The following LPIN1 variants were observed in gnomAD, a reference collection of about 807,000 sequenced individuals.
LPIN1 encodes lipin 1.
LPIN1 carries 71 observed loss-of-function variants against 107.5 expected under a neutral mutation model. That is an observed-to-expected ratio of 0.66 (90% CI 0.55 to 0.80). The LOEUF (loss-of-function observed/expected upper bound fraction) is 0.80. LPIN1 is among the 30% of genes least tolerant of loss of function. The pLI is 0.00. For missense variants in LPIN1, 1,043 were observed against 1,160.6 expected (o/e 0.90, Z 1.47); for synonymous variants, 445 against 452.6 (o/e 0.98, Z 0.21).
At chr2:11,815,301 A>C in intron 18 of LPIN1, 61 bp downstream of exon 18, 1 of 1,596,352 alleles carries the variant, frequency 6.3e-7, no homozygotes, top group Non-Finnish European at 8.6e-7. Flanking sequence ...TCTCTTCCTA[A>C]CTGCAAGTTT....
chr2:11,771,400 C>G lies in LPIN1; in HGVS notation c.317C>G (p.Ser106Cys). The change falls in exon 4 of 21, where the codon TCC becomes TGC. Residue 106 changes from serine to cysteine, a missense_variant. Transcript: ENST00000674199. This position sits in a 1 kb window ranked among gnomAD's most constrained non-coding sequence, Gnocchi z 4.8. ...GTTATCCCTATGCACCTGGCCACCT[C>G]CCCCATCCTGTCAGAAGGAGCTTCG... Reference protein sequence around the residue: ...QEVIPMHLATSPILSEGASRM... With the variant: ...QEVIPMHLATCPILSEGASRM... 6.2e-7 allele frequency: 1 copy of G among 1,614,246 alleles called. No homozygotes were observed. The highest frequency in any genetic ancestry group is 2.2e-5 in the East Asian group (1 of 44,890).
intron 1 of LPIN1, among the ~76,000 whole-genome samples, chr2:11,753,428 A>T (rs945210661): frequency 3.9e-5 from 6 of 152,198 alleles, no homozygotes; most frequent in African/African-American, 1.4e-4. Flanking sequence ...GCAGGTAGTG[A>T]TGGATGCAGA....
intron 1 of LPIN1, among the ~76,000 whole-genome samples, chr2:11,735,628 G>A (rs1281313637): frequency 1.3e-5 from 2 of 152,120 alleles, no homozygotes; most frequent in Admixed American, 1.3e-4. Flanking sequence ...AATGTGAGAC[G>A]AATGAAGTCC....
At chr2:11,819,369 A>G in intron 18 of LPIN1, 115 bp from the exon 19 acceptor site, 1 of 760,574 alleles carries the variant, frequency 1.3e-6, no homozygotes, top group Non-Finnish European at 2.4e-6. Context: ...ACACACACTA[A>G]ACTTTTGAAG....
At chr2:11,704,083 T>C (rs1199159074) in intron 1 of LPIN1, among the ~76,000 whole-genome samples, 1 of 152,252 alleles carries the variant, frequency 6.6e-6, no homozygotes, top group Non-Finnish European at 1.5e-5. Flanking sequence ...GTCAGACCTC[T>C]TACCTGGTAG....
intron 1 of LPIN1, among the ~76,000 whole-genome samples, chr2:11,750,727 G>T (rs1317450211): frequency 6.6e-6 from 1 of 152,170 alleles, no homozygotes; most frequent in African/African-American, 2.4e-5. Context: ...TTTGATCACA[G>T]AGTTAGTGGA....
chr2:11,686,235 A>G (rs1055390889), intron 1 of LPIN1, among the ~76,000 whole-genome samples: 1 of 152,114 alleles, frequency 6.6e-6, no homozygotes, highest in Admixed American at 6.5e-5. Flanking sequence ...GGCTTCATCA[A>G]TGTGCTGAGG....
At chr2:11,722,792 G>C (rs1018975556), upstream of LPIN1, among the ~76,000 whole-genome samples, 1 of 152,160 alleles carries the variant, frequency 6.6e-6, no homozygotes, top group Non-Finnish European at 1.5e-5. Flanking sequence ...TTTTAATAAG[G>C]AAGATCTGAA....
intron 1 of LPIN1, chr2:11,713,683 G>GT: frequency 2.2e-6 from 2 of 897,718 alleles, no homozygotes; most frequent in South Asian, 3.1e-5. Context: ...TATTGGCAAA[G>GT]TTATGCAACC....
intron 1 of LPIN1, among the ~76,000 whole-genome samples, chr2:11,757,034 G>A (rs114017358): frequency 0.01 from 1,568 of 152,318 alleles, 23 homozygotes; most frequent in African/African-American, 0.035. Context: ...ATTTGGCTGA[G>A]TTTTCCATCA....
intron 15 of LPIN1, among the ~76,000 whole-genome samples, chr2:11,804,183 G>C (rs554868223): frequency 6.6e-6 from 1 of 152,220 alleles, no homozygotes; most frequent in East Asian, 1.9e-4. Context: ...GAACAACTCT[G>C]TAGCAAGTAG....
intron 1 of LPIN1, among the ~76,000 whole-genome samples, chr2:11,702,409 G>A (rs1299809963): frequency 6.6e-6 from 1 of 152,144 alleles, no homozygotes; most frequent in East Asian, 1.9e-4. Context: ...TTGGGGTCTG[G>A]GCTCTGGACT....
chr2:11,750,868 T>TG (rs1667687643), intron 1 of LPIN1, among the ~76,000 whole-genome samples: 1 of 151,940 alleles, frequency 6.6e-6, no homozygotes, highest in South Asian at 2.1e-4. Flanking sequence ...GTGGTAGGGG[T>TG]GGGGGGTAAT....
chr2:11,707,038 G>A lies in LPIN1; in HGVS notation c.82-6718G>A, dbSNP rs1200662419. On this transcript the variant is annotated intron_variant, in intron 1 of 21. Coordinates refer to the LPIN1 transcript ENST00000449576. The surrounding 1 kb of genome is among the most constrained non-coding windows in gnomAD (Gnocchi z 4.2). Reference sequence around the variant, plus strand: ...GAAAGAGCATGGGTACTGACTAAACGTTACCTTTGTAGCAATTAGCCATAC... The same window carrying A: ...GAAAGAGCATGGGTACTGACTAAACATTACCTTTGTAGCAATTAGCCATAC... Among the ~76,000 whole-genome samples the A allele has an allele frequency of 6.6e-6, 1 of 152,152 alleles. No individual in the cohort carries two copies. The highest frequency in any genetic ancestry group is 1.5e-5 in the Non-Finnish European group (1 of 68,028).
rs1048248352 is a variant in LPIN1, at chr2:11,724,534, A to T, written c.-77A>T. The T allele has an allele frequency of 6.1e-6, 6 of 985,540 alleles. No individual in the cohort carries two copies. The African/African-American group carries it at 8.7e-5, about 14-fold the overall frequency. 61.0% of individuals were successfully genotyped at this position (985,540 alleles called of 1,614,324 possible). A position where few individuals can be genotyped will look rare whatever the true frequency, so the allele number is the denominator to read the frequency against. ...AAGAAAAAGGAGAATCCACCAGGAG[A>T]CCCAGGTTCGCATGAGCAGGGGCCT... On this transcript the variant is annotated 5_prime_UTR_variant, in exon 1 of 22. Transcript: ENST00000396097.
chr2:11,729,077 G>T (rs1313532795), intron 1 of LPIN1, among the ~76,000 whole-genome samples: 1 of 152,148 alleles, frequency 6.6e-6, no homozygotes, highest in African/African-American at 2.4e-5. Flanking sequence ...CTTTGCCTAT[G>T]CCTATGTCCA....
chr2:11,714,994 A>C (rs779762556), intron 2 of LPIN1, among the ~76,000 whole-genome samples: 5 of 152,248 alleles, frequency 3.3e-5, no homozygotes, highest in Non-Finnish European at 7.3e-5. Context: ...TGTGAGGAGC[A>C]GAAGTTTTAT....
At chr2:11,819,224 T>C (rs1194337107) in intron 18 of LPIN1, 2 of 455,854 alleles carry the variant, frequency 4.4e-6, no homozygotes, top group African/African-American at 2.0e-5. Flanking sequence ...TTATGCTCTG[T>C]CATTCTTTGT....
intron 1 of LPIN1, among the ~76,000 whole-genome samples, chr2:11,754,696 C>T (rs902140736): frequency 2.6e-5 from 4 of 152,114 alleles, no homozygotes; most frequent in Non-Finnish European, 5.9e-5. Context: ...CCAAACTAGT[C>T]GTTGTGTTGA....
Sources: gnomAD v4.1 joint callset for allele counts (sites outside exome capture counted in the v4.1 genomes callset) on GRCh38, gnomAD v4.1.1 for gene constraint, Gnocchi (gnomAD v3.1) non-coding constraint, MANE v1.5 for transcripts, NCBI Gene and HGNC (gene_info 2026-07-23, HGNC 2026-07-21) for gene names.